The following RNF130 variants were observed in gnomAD, a reference collection of about 807,000 sequenced individuals.
The protein encoded by RNF130 is E3 ubiquitin-protein ligase RNF130.
In RNF130, 21 loss-of-function variants were observed where a neutral mutation model predicts 44.6. That is an observed-to-expected ratio of 0.47 (90% confidence interval 0.33 to 0.68). RNF130 has a LOEUF of 0.68. Ranked by LOEUF, RNF130 falls within the 30% of genes least tolerant of loss-of-function variation. The probability of loss-of-function intolerance (pLI) is 0.02; values close to 1 mark genes in which losing one functional copy is unlikely to be tolerated. For synonymous variants in RNF130, 214 were observed against 210.4 expected, an observed-to-expected ratio of 1.02 and a Z score of -0.15; for missense variants, 479 against 560.6, an observed-to-expected ratio of 0.85 and a Z score of 1.47.
intron 1 of RNF130, among the ~76,000 whole-genome samples, chr5:180,051,260 A>ATTTATTTATTTATTTG (rs1767475657): frequency 2.0e-5 from 3 of 150,904 alleles, no homozygotes; most frequent in African/African-American, 4.9e-5. Flanking sequence ...TTATTTATTT[A>ATTTATTTATTTATTTG]TTTATTTGAG....
chr5:180,019,583 C>A (rs1763826167), intron 2 of RNF130, among the ~76,000 whole-genome samples: 1 of 152,196 alleles, frequency 6.6e-6, no homozygotes, highest in Non-Finnish European at 1.5e-5. Flanking sequence ...TCATCCACAA[C>A]TTTCAGTTCT....
chr5:179,991,705 G>T (rs2113032386), intron 3 of RNF130, among the ~76,000 whole-genome samples: 1 of 152,118 alleles, frequency 6.6e-6, no homozygotes, highest in Admixed American at 6.5e-5. Flanking sequence ...GGTAGGGGAT[G>T]GTTTCAGGAT....
At chr5:179,932,733 G>C (rs1391116662) in intron 7 of RNF130, among the ~76,000 whole-genome samples, 2 of 151,944 alleles carry the variant, frequency 1.3e-5, no homozygotes, top group Admixed American at 1.3e-4. Context: ...CTACTTGGGA[G>C]GCTGAGGCAG....
At chr5:180,051,458 C>T (rs935169750) in intron 1 of RNF130, among the ~76,000 whole-genome samples, 1 of 151,882 alleles carries the variant, frequency 6.6e-6, no homozygotes, top group Admixed American at 6.6e-5. Context: ...ACCATGGTCT[C>T]GATCTCCTGA....
At chr5:180,021,140 G>A (rs918587346) in intron 2 of RNF130, among the ~76,000 whole-genome samples, 2 of 151,920 alleles carry the variant, frequency 1.3e-5, no homozygotes, top group African/African-American at 4.8e-5. Context: ...TCATTTTTTT[G>A]TATTTTTAGT....
intron 7 of RNF130, chr5:179,940,056 G>A: frequency 4.7e-6 from 1 of 213,306 alleles, no homozygotes; most frequent in Non-Finnish European, 9.2e-6. Context: ...TTATCTGGGT[G>A]CCACATCGGT....
At chr5:180,046,840 G>C (rs1764577442) in intron 1 of RNF130, among the ~76,000 whole-genome samples, 1 of 152,174 alleles carries the variant, frequency 6.6e-6, no homozygotes, top group Non-Finnish European at 1.5e-5. Context: ...TACTGTATTA[G>C]TAACTGGCTG....
chr5:179,968,029 C>T (rs1038865328), intron 6 of RNF130, among the ~76,000 whole-genome samples: 7 of 152,256 alleles, frequency 4.6e-5, no homozygotes, highest in Non-Finnish European at 8.8e-5. Flanking sequence ...GGCGCGGTGG[C>T]TCACGCCTGT....
chr5:180,027,942 T>C (rs1410676679), intron 2 of RNF130, among the ~76,000 whole-genome samples: 1 of 152,204 alleles, frequency 6.6e-6, no homozygotes, highest in African/African-American at 2.4e-5. Context: ...CGCATCAACC[T>C]CATCGAGACC....
chr5:180,035,914 C>T (rs1285955706), intron 2 of RNF130, among the ~76,000 whole-genome samples: 1 of 152,134 alleles, frequency 6.6e-6, no homozygotes, highest in Non-Finnish European at 1.5e-5. Context: ...TGCTGCCATT[C>T]ATTATTGTCA....
At position 179,975,607 on chromosome 5, in the gene RNF130, AG is replaced by A. The variant is rs1762701376; in HGVS notation, c.848+2595del. ...GGCTGTGTGGTGCAGTCTCAGGGAA[AG>A]TTACAGCTTGGTGATGCGTGGAGTG... On this transcript the variant is annotated intron_variant, in intron 5 of 8. Coordinates refer to ENST00000521389, the MANE Select transcript of RNF130 (RefSeq NM_018434.6). 7.9e-5 allele frequency among the ~76,000 whole-genome samples: 12 copies of A among 152,282 alleles called. No homozygotes were observed. The South Asian group carries it at 2.5e-3, about 32-fold the overall frequency.
At chr5:180,047,966 T>G (rs1482408337) in intron 1 of RNF130, among the ~76,000 whole-genome samples, 1 of 149,284 alleles carries the variant, frequency 6.7e-6, no homozygotes, top group Non-Finnish European at 1.5e-5. Flanking sequence ...GGCCCAGGAC[T>G]CTCCAGGGTT....
intron 7 of RNF130, among the ~76,000 whole-genome samples, chr5:179,949,841 C>A (rs1561666222): frequency 6.6e-6 from 1 of 152,184 alleles, no homozygotes; most frequent in Non-Finnish European, 1.5e-5. Flanking sequence ...CCTCAGATCA[C>A]CACCCCTCCT....
At chr5:180,040,237 T>C (rs894516541) in intron 2 of RNF130, among the ~76,000 whole-genome samples, 7 of 152,178 alleles carry the variant, frequency 4.6e-5, no homozygotes, top group Non-Finnish European at 8.8e-5. Context: ...CAGCCAGTTA[T>C]TTAATAAGTC....
intron 7 of RNF130, among the ~76,000 whole-genome samples, chr5:179,930,943 GA>G (rs1033558697): frequency 2.0e-5 from 3 of 149,862 alleles, no homozygotes; most frequent in African/African-American, 4.9e-5. Context: ...TGGGGAGGCT[GA>G]GGCATGAGAA....
chr5:179,932,886 A>G (rs1761829376), intron 7 of RNF130, among the ~76,000 whole-genome samples: 1 of 152,182 alleles, frequency 6.6e-6, no homozygotes, highest in Admixed American at 6.5e-5. Context: ...ATTAACCTGT[A>G]ATTTTCTTTC....
chr5:179,962,877 G>A (rs548474106), intron 8 of RNF130, among the ~76,000 whole-genome samples: 4 of 152,164 alleles, frequency 2.6e-5, no homozygotes, highest in East Asian at 1.9e-4. Context: ...TCCTTTTACC[G>A]ACGTGAAGCC....
At position 179,977,615 on chromosome 5, in the gene RNF130, G is replaced by T. The variant is rs1035492695; in HGVS notation, c.848+588C>A. On this transcript the variant is annotated intron_variant, in intron 5 of 8. Coordinates refer to ENST00000521389, the MANE Select transcript of RNF130 (RefSeq NM_018434.6). This position sits in a 1 kb window ranked among gnomAD's most constrained non-coding sequence, Gnocchi z 4.1. ...CGCCTGTAATCCCAGGACTTTGGGA[G>T]GCTGAGGCAGGCAGATCACCTGAGG... is the stretch of plus-strand genomic sequence containing the variant. Among the ~76,000 whole-genome samples the T allele has an allele frequency of 4.6e-5, 7 of 152,218 alleles. No homozygotes were observed. The highest frequency in any genetic ancestry group is 1.7e-4 in the African/African-American group (7 of 41,456).
intron 7 of RNF130, among the ~76,000 whole-genome samples, chr5:179,948,263 C>T (rs768824667): frequency 2.1e-4 from 32 of 152,320 alleles, no homozygotes; most frequent in Non-Finnish European, 3.5e-4. Context: ...CTACCTGGTA[C>T]ACCCTAAGTG....
Sources: allele counts gnomAD v4.1 joint callset (sites outside exome capture counted in the v4.1 genomes callset), GRCh38; gene constraint gnomAD v4.1.1; non-coding constraint Gnocchi (gnomAD v3.1); transcripts MANE v1.5; gene names NCBI Gene and HGNC (gene_info 2026-07-23, HGNC 2026-07-21).